CLPTM1L: variants seen among roughly 807,000 people sequenced by gnomAD.
CLPTM1L encodes the protein CLPTM1 like.
A neutral mutation model predicts 70.9 loss-of-function variants in CLPTM1L; 38 were observed. The observed-to-expected ratio is 0.54, with a 90% CI of 0.41 to 0.70. CLPTM1L has a LOEUF of 0.70. CLPTM1L is among the 30% of genes least tolerant of loss of function. CLPTM1L has a pLI of 0.00. For synonymous variants in CLPTM1L, 339 were observed against 299.9 expected (o/e 1.13, Z -1.35); for missense variants, 652 against 705.9 (o/e 0.92, Z 0.87).
intron 8 of CLPTM1L, chr5:1,330,659 G>A (rs987978409): frequency 4.3e-6 from 2 of 467,160 alleles, no homozygotes; most frequent in Non-Finnish European, 7.7e-6. Context: ...AACGTGGGCA[G>A]AGGTCGGATG....
chr5:1,333,607 G>A (rs1256855646), intron 7 of CLPTM1L, among the ~76,000 whole-genome samples: 1 of 148,768 alleles, frequency 6.7e-6, no homozygotes, highest in Non-Finnish European at 1.5e-5. Flanking sequence ...ATGAGGATGA[G>A]GGACTATTGT....
At chr5:1,337,836 G>C in intron 5 of CLPTM1L, 68 bp downstream of exon 5, 1 of 1,258,134 alleles carries the variant, frequency 7.9e-7, no homozygotes, top group East Asian at 2.4e-5. Context: ...GGGTGCAGGG[G>C]CTGCGGGGCC....
rs1751983345 is a variant in CLPTM1L at position 1,318,807 on chromosome 5, G to A, written c.1533-354C>T. ...GACTCGAGTGATCAGAACAGGAACC[G>A]CTGTGTTCAGGGACCACGTCTCATC... is the stretch of plus-strand genomic sequence containing the variant. On this transcript the variant is annotated intron_variant, in intron 16 of 16. Coordinates refer to ENST00000320895, the MANE Select transcript of CLPTM1L (RefSeq NM_030782.5). This position sits in a 1 kb window ranked among gnomAD's most constrained non-coding sequence, Gnocchi z 8.9. 1.3e-5 allele frequency among the ~76,000 whole-genome samples: 2 copies of A among 152,180 alleles called. No homozygotes were observed. Among genetic ancestry groups the A allele is most frequent in the Non-Finnish European group, 2.9e-5 (2 of 68,032 alleles).
At chr5:1,332,122 T>A in intron 7 of CLPTM1L, 1 of 532,270 alleles carries the variant, frequency 1.9e-6, no homozygotes, top group Non-Finnish European at 3.4e-6. Context: ...TACCTTTGAC[T>A]TGAACTGCTG....
At chr5:1,321,740 C>T (rs201671690) in intron 14 of CLPTM1L, 24 bp downstream of exon 14, 16 of 1,613,762 alleles carry the variant, frequency 9.9e-6, no homozygotes, top group East Asian at 2.2e-5. Context: ...GGGGCCGGGC[C>T]GCGGGCAGCA....
chr5:1,323,097 C>T (rs13178866), intron 12 of CLPTM1L, among the ~76,000 whole-genome samples, 186 bp from the exon 13 acceptor site: 67,520 of 151,842 alleles, frequency 0.44, 15,768 homozygotes, highest in African/African-American at 0.56. Flanking sequence ...TGAGCACCCC[C>T]GGCCGGGCAG....
chr5:1,344,967 G>T lies in CLPTM1L; in HGVS notation c.-126C>A. Reference sequence around the variant, plus strand: ...AGAGCCGCCGCGCGCCACCGCCACCGCCGCGGGGGAACGAATGCGCCGCGC... The same window carrying T: ...AGAGCCGCCGCGCGCCACCGCCACCTCCGCGGGGGAACGAATGCGCCGCGC... On this transcript the variant is annotated 5_prime_UTR_variant, in exon 1 of 17. Coordinates refer to ENST00000320895, the MANE Select transcript of CLPTM1L (RefSeq NM_030782.5). 2.3e-6 allele frequency: 1 copy of T among 439,574 alleles called. No individual in the cohort carries two copies. Among genetic ancestry groups the T allele is most frequent in the Non-Finnish European group, 3.0e-6 (1 of 332,664 alleles). 27.2% of individuals were successfully genotyped at this position (439,574 alleles called of 1,614,324 possible). A position where few individuals can be genotyped will look rare whatever the true frequency, so the allele number is the denominator to read the frequency against.
chr5:1,344,867 GCCCGCCCGCCTCTCAGCCGCGAGC>G lies in CLPTM1L; in HGVS notation c.-50_-27del. 2 of 1,375,784 alleles carry G rather than the reference GCCCGCCCGCCTCTCAGCCGCGAGC, an allele frequency of 1.5e-6. No individual in the cohort carries two copies. Among genetic ancestry groups the G allele is most frequent in the Non-Finnish European group, 1.9e-6 (2 of 1,055,146 alleles). 85.2% of individuals were successfully genotyped at this position (1,375,784 alleles called of 1,614,324 possible). A position where few individuals can be genotyped will look rare whatever the true frequency, so the allele number is the denominator to read the frequency against. On this transcript the variant is annotated 5_prime_UTR_variant, in exon 1 of 17. Coordinates refer to ENST00000320895, the MANE Select transcript of CLPTM1L (RefSeq NM_030782.5). ...GGCGGCCCCGCGCCCGGCGCCCCCG[GCCCGCCCGCCTCTCAGCCGCGAGC>G]CCCGCCCGCCCGGCGCCCAGCCCGC...
At position 1,344,658 on chromosome 5, in the gene CLPTM1L, CCCCGGCCCCG is replaced by C; in HGVS notation, c.162+12_162+21del. The stretch of plus-strand genomic sequence containing the variant: ...AGGCCCCCACCCCAACCCGCCCGGC[CCCCGGCCCCG>C]CGGACGCTCACCTGCAGCTTGGGCC... On this transcript the variant is annotated intron_variant, in intron 1 of 16. Transcript: ENST00000320895. The C allele has an allele frequency of 6.5e-6, 10 of 1,545,392 alleles. No individual in the cohort carries two copies. The South Asian group carries it at 1.2e-4, about 18-fold the overall frequency.
chr5:1,327,700 TGCTCCTCCTCTACAGGGACATTTCATCCA>T, intron 9 of CLPTM1L, among the ~76,000 whole-genome samples: 1 of 75,490 alleles, frequency 1.3e-5, no homozygotes, highest in Non-Finnish European at 2.6e-5. Flanking sequence ...CATTTCATCC[TGCTCCTCCTCTACAGGGACATTTCATCCA>T]GCTCCTCCTC....
chr5:1,323,667 C>T lies in CLPTM1L; in HGVS notation c.1280+120G>A, dbSNP rs538808469. 1.1e-4 allele frequency: 83 copies of T among 737,236 alleles called. No individual in the cohort carries two copies. In the African/African-American group the frequency reaches 1.2e-3, roughly 11 times the overall value. The allele number at this position is 737,236 out of a possible 1,614,324, so 45.7% of individuals were successfully genotyped here. A position where few individuals can be genotyped will look rare whatever the true frequency, so the allele number is the denominator to read the frequency against. ...CTGCAGGGGCAGGACCCCTCCCAGG[C>T]GCTGGCCCAAGTGCCCCGGCCCCGA... On this transcript the variant is annotated intron_variant, in intron 12 of 16. Coordinates refer to ENST00000320895, the MANE Select transcript of CLPTM1L (RefSeq NM_030782.5).
At chr5:1,335,204 G>C in intron 5 of CLPTM1L, 30 bp from the exon 6 acceptor site, 6 of 1,573,662 alleles carry the variant, frequency 3.8e-6, no homozygotes, top group Non-Finnish European at 5.2e-6. Context: ...TGAGGGCCCT[G>C]CCCTCATACC....
intron 7 of CLPTM1L, among the ~76,000 whole-genome samples, chr5:1,333,788 C>T (rs1426632431): frequency 2.6e-5 from 4 of 151,404 alleles, no homozygotes; most frequent in Non-Finnish European, 4.4e-5. Context: ...GGGGGGACTA[C>T]TGTATACACA....
intron 7 of CLPTM1L, among the ~76,000 whole-genome samples, chr5:1,333,641 G>A (rs1753322063): frequency 9.0e-6 from 1 of 110,918 alleles, no homozygotes; most frequent in Admixed American, 1.2e-4. Context: ...GAGGATAAGG[G>A]GGACTACTGT....
intron 5 of CLPTM1L, 116 bp from the exon 6 acceptor site, chr5:1,335,290 C>T: frequency 3.8e-6 from 3 of 795,578 alleles, no homozygotes; most frequent in Non-Finnish European, 6.5e-6. Context: ...CCAGGTCAGC[C>T]ATGACTGGGC....
chr5:1,330,167 G>T, intron 9 of CLPTM1L, 113 bp downstream of exon 9: 2 of 850,434 alleles, frequency 2.4e-6, no homozygotes, highest in South Asian at 1.5e-5. Context: ...AGGCCATCGG[G>T]AACAAGCACA....
At chr5:1,327,930 C>A (rs1157003279) in intron 9 of CLPTM1L, among the ~76,000 whole-genome samples, 20 of 58,996 alleles carry the variant, frequency 3.4e-4, no homozygotes, top group Non-Finnish European at 4.6e-4. Context: ...CACATTCCAT[C>A]CAGCTCCTCC....
At chr5:1,337,442 G>A (rs553502563) in intron 5 of CLPTM1L, among the ~76,000 whole-genome samples, 6 of 152,324 alleles carry the variant, frequency 3.9e-5, no homozygotes, top group South Asian at 2.1e-4. Context: ...GGGCCACCCC[G>A]GGGGCTCCAG....
At chr5:1,337,351 C>T (rs995936691) in intron 5 of CLPTM1L, among the ~76,000 whole-genome samples, 4 of 152,240 alleles carry the variant, frequency 2.6e-5, no homozygotes, top group Non-Finnish European at 4.4e-5. Context: ...GGAGAGCAGG[C>T]GCTGTCACTG....
Sources: allele counts gnomAD v4.1 joint callset (sites outside exome capture counted in the v4.1 genomes callset), GRCh38; gene constraint gnomAD v4.1.1; non-coding constraint Gnocchi (gnomAD v3.1); transcripts MANE v1.5; gene names NCBI Gene and HGNC (gene_info 2026-07-23, HGNC 2026-07-21).